BIRC6: variants seen among roughly 807,000 people sequenced by gnomAD.
BIRC6 encodes the protein baculoviral IAP repeat containing 6, also known as dual E2 ubiquitin-conjugating enzyme/E3 ubiquitin-protein ligase BIRC6.
BIRC6 carries 98 observed loss-of-function variants against 503.3 expected under a neutral mutation model. The ratio of observed to expected loss-of-function variants is 0.19; its 90% CI spans 0.17 to 0.23. BIRC6 has a LOEUF of 0.23. BIRC6 is among the 10% of genes least tolerant of loss of function. BIRC6 has a pLI of 1.00. For missense variants in BIRC6, 5,360 were observed against 5,806.0 expected (o/e 0.92, Z 2.50); for synonymous variants, 2,240 against 2,078.7 (o/e 1.08, Z -2.11).
chr2:32,550,409 T>G (rs1361272477), intron 65 of BIRC6, among the ~76,000 whole-genome samples: 3 of 152,186 alleles, frequency 2.0e-5, no homozygotes, highest in Non-Finnish European at 2.9e-5. Context: ...TATTTCCCAG[T>G]CTGTCTCAGA....
intron 68 of BIRC6, among the ~76,000 whole-genome samples, chr2:32,596,041 C>T (rs1374419177): frequency 6.6e-6 from 1 of 151,706 alleles, no homozygotes; most frequent in Non-Finnish European, 1.5e-5. Context: ...TTGAAAATTC[C>T]TTTGTGTATT....
At chr2:32,412,705 A>ACTGATAAT (rs1301065150) in intron 9 of BIRC6, among the ~76,000 whole-genome samples, 1 of 151,564 alleles carries the variant, frequency 6.6e-6, no homozygotes, top group Admixed American at 6.6e-5. Context: ...CTGACATTCC[A>ACTGATAAT]CTGATAATCA....
intron 23 of BIRC6, among the ~76,000 whole-genome samples, chr2:32,461,838 C>T (rs1184025969): frequency 1.3e-5 from 2 of 152,094 alleles, no homozygotes; most frequent in Non-Finnish European, 2.9e-5. Context: ...TTTTGTACCT[C>T]ATACGTATAA....
intron 22 of BIRC6, among the ~76,000 whole-genome samples, chr2:32,450,024 G>C (rs2046506378): frequency 6.6e-6 from 1 of 152,176 alleles, no homozygotes; most frequent in African/African-American, 2.4e-5. Context: ...ACTAGTAGGA[G>C]AGACTAGAAC....
At chr2:32,569,414 G>A (rs2059771338) in intron 65 of BIRC6, among the ~76,000 whole-genome samples, 1 of 152,040 alleles carries the variant, frequency 6.6e-6, no homozygotes, top group Non-Finnish European at 1.5e-5. Context: ...CGTCGCCCAG[G>A]CTAGAGTACA....
intron 61 of BIRC6, among the ~76,000 whole-genome samples, chr2:32,533,117 T>C (rs1293577490): frequency 6.6e-6 from 1 of 152,186 alleles, no homozygotes; most frequent in Non-Finnish European, 1.5e-5. Flanking sequence ...ATCTGAATTG[T>C]CATAAGCAGA....
intron 55 of BIRC6, among the ~76,000 whole-genome samples, chr2:32,517,696 C>T (rs951507995): frequency 6.6e-6 from 1 of 152,086 alleles, no homozygotes; most frequent in Non-Finnish European, 1.5e-5. Context: ...GCCTCAGCCT[C>T]CCAAGTAGCT....
At position 32,464,582 on chromosome 2, in the gene BIRC6, T is replaced by C. The variant is rs374463654; in HGVS notation, c.5015T>C (p.Val1672Ala). The C allele has an allele frequency of 9.9e-6, 16 of 1,611,810 alleles. No individual in the cohort carries two copies. In the African/African-American group the frequency reaches 1.9e-4, roughly 19 times the overall value. ...AAAAASAVGP[V>A]HNSVPSNPVA... ...GCAGCAGCATCAGCAGTAGGTCCTG[T>C]TCACAACTCTGTGCCTTCCAACCCA... Residue 1672 changes from valine (V) to alanine (A), a missense_variant, in exon 25 of 74, where the codon GTT becomes GCT. Coordinates refer to ENST00000421745, the MANE Select transcript of BIRC6 (RefSeq NM_016252.4).
intron 1 of BIRC6, among the ~76,000 whole-genome samples, chr2:32,369,647 C>G (rs796833418): frequency 6.6e-6 from 1 of 151,584 alleles, no homozygotes; most frequent in Non-Finnish European, 1.5e-5. Flanking sequence ...AGGCTGGTCT[C>G]GAACTCCTGA....
In BIRC6 at chr2:32,468,707, A is replaced by C; in HGVS notation, c.6051A>C (p.Thr2017=). ...CAAATCCAGAAGATTTAATTCAGAC[A>C]TCTTCCACAGAGCAGTTACGTACTA... ...ETSNPEDLIQ[T]SSTEQLRTII... is the part of the protein sequence containing the mutation. The change falls in exon 29 of 74, where the codon ACA becomes ACC. Residue 2017 remains threonine, a synonymous_variant. Coordinates refer to ENST00000421745, the MANE Select transcript of BIRC6 (RefSeq NM_016252.4). 6.2e-7 allele frequency: 1 copy of C among 1,613,980 alleles called. No individual in the cohort carries two copies. Among genetic ancestry groups the C allele is most frequent in the South Asian group, 1.1e-5 (1 of 91,082 alleles).
intron 3 of BIRC6, among the ~76,000 whole-genome samples, chr2:32,382,178 A>G (rs2037765605): frequency 6.6e-6 from 1 of 152,198 alleles, no homozygotes; most frequent in South Asian, 2.1e-4. Context: ...AGAACCTAGA[A>G]ACTTAGAGAA....
chr2:32,548,393 G>A (rs1401958243), intron 64 of BIRC6, among the ~76,000 whole-genome samples: 5 of 129,496 alleles, frequency 3.9e-5, no homozygotes, highest in South Asian at 2.5e-4. Context: ...TTTTTGAGAC[G>A]GAGCTCACTC....
chr2:32,571,485 C>T (rs973560421), intron 65 of BIRC6, among the ~76,000 whole-genome samples: 2 of 142,028 alleles, frequency 1.4e-5, no homozygotes, highest in Non-Finnish European at 3.0e-5. Flanking sequence ...TGTTCAATCT[C>T]AGGAGGTTGT....
At chr2:32,466,391 G>GATATGA (rs2048544371) in intron 26 of BIRC6, among the ~76,000 whole-genome samples, 2 of 152,322 alleles carry the variant, frequency 1.3e-5, no homozygotes, top group African/African-American at 4.8e-5. Flanking sequence ...TTGAGCTGAA[G>GATATGA]AGACTGGGAT....
chr2:32,497,920 T>G (rs1350466171), intron 45 of BIRC6, among the ~76,000 whole-genome samples: 1 of 152,216 alleles, frequency 6.6e-6, no homozygotes, highest in Admixed American at 6.5e-5. Context: ...ATTATTGACA[T>G]GCTGGATTAA....
At chr2:32,588,088 G>T (rs1193152983) in intron 66 of BIRC6, among the ~76,000 whole-genome samples, 1 of 152,170 alleles carries the variant, frequency 6.6e-6, no homozygotes, top group Admixed American at 6.5e-5. Flanking sequence ...GGCTGGGTGT[G>T]GTGGCTCACG....
At chr2:32,565,905 A>G (rs1559066230) in intron 65 of BIRC6, 1 of 152,172 alleles carries the variant, frequency 6.6e-6, no homozygotes, top group Non-Finnish European at 1.5e-5. Flanking sequence ...AACCACCCCC[A>G]TGATTCAGTT....
At chr2:32,488,928 CTG>C (rs2051335952) in intron 42 of BIRC6, among the ~76,000 whole-genome samples, 1 of 152,110 alleles carries the variant, frequency 6.6e-6, no homozygotes, top group Non-Finnish European at 1.5e-5. Flanking sequence ...ACTCTCTGGT[CTG>C]TGGTATGCCT....
Position 32,488,686 on chromosome 2 carries a change from T to C in BIRC6, c.8067T>C (p.Asn2689=). 2.8e-6 allele frequency: 4 copies of C among 1,446,058 alleles called. No individual in the cohort carries two copies. Among genetic ancestry groups the C allele is most frequent in the Non-Finnish European group, 3.8e-6 (4 of 1,062,268 alleles). The allele number at this position is 1,446,058 out of a possible 1,614,324, so 89.6% of individuals were successfully genotyped here. A position where few individuals can be genotyped will look rare whatever the true frequency, so the allele number is the denominator to read the frequency against. Residue 2689 remains asparagine, a synonymous_variant, in exon 42 of 74, where the codon AAT becomes AAC. Transcript: ENST00000421745. ...NGADIFLYNA[N]RIPVISLNQA... Reference sequence around the variant, plus strand: ...CAGACATATTTTTATATAATGCTAATAGGATACCTGTTATTTCATTAAATC... The same window carrying C: ...CAGACATATTTTTATATAATGCTAACAGGATACCTGTTATTTCATTAAATC...
Sources: allele counts gnomAD v4.1 joint callset (sites outside exome capture counted in the v4.1 genomes callset), GRCh38; gene constraint gnomAD v4.1.1; transcripts MANE v1.5; gene names NCBI Gene and HGNC (gene_info 2026-07-23, HGNC 2026-07-21).